KIF1A: variants seen among roughly 807,000 people sequenced by gnomAD.
The protein encoded by KIF1A is kinesin family member 1A, also known as kinesin-like protein KIF1A.
In KIF1A, 46 loss-of-function variants were observed where a neutral mutation model predicts 227.3. The observed-to-expected ratio is 0.20, with a 90% CI of 0.16 to 0.26. KIF1A has a LOEUF of 0.26. Among genes scored for constraint, KIF1A ranks in the 10% least tolerant of loss-of-function variants. The pLI is 1.00. For synonymous variants in KIF1A, 1,022 were observed against 1,012.8 expected (o/e 1.01, Z -0.17); for missense variants, 1,683 against 2,485.9 (o/e 0.68, Z 6.87).
chr2:240,757,669 G>GCCGGGT lies in KIF1A; in HGVS notation c.2583-76_2583-75insACCCGG. ...GGGACGAACAGGGGCCGGGGCCGGG[G>GCCGGGT]CTGGGGGGCTTCTGTTTAAAACCAA... On this transcript the variant is annotated intron_variant, in intron 26 of 48. Coordinates refer to ENST00000498729, the MANE Select transcript of KIF1A (RefSeq NM_001244008.2). The surrounding 1 kb of genome is among the most constrained non-coding windows in gnomAD (Gnocchi z 6.2). The GCCGGGT allele has an allele frequency of 6.8e-7, 1 of 1,462,128 alleles. No homozygotes were observed. Among genetic ancestry groups the GCCGGGT allele is most frequent in the African/African-American group, 1.4e-5 (1 of 70,442 alleles). The allele number at this position is 1,462,128 out of a possible 1,614,324, so 90.6% of individuals were successfully genotyped here.
chr2:240,767,349 C>T lies in KIF1A; in HGVS notation c.1498-4G>A, dbSNP rs2051330879. ...TCAGGTTGACGAGGTGTGGTGTCTGCAGGGAGACAGGAGGATCATCTCTCT... is the reference window on the plus strand; with the variant it reads ...TCAGGTTGACGAGGTGTGGTGTCTGTAGGGAGACAGGAGGATCATCTCTCT... On this transcript the variant is annotated splice_region_variant and splice_polypyrimidine_tract_variant and intron_variant, in intron 17 of 48. Transcript: ENST00000498729. The T allele has an allele frequency of 1.9e-6, 3 of 1,611,840 alleles. No homozygotes were observed. The highest frequency in any genetic ancestry group is 2.2e-5 in the South Asian group (2 of 90,930).
chr2:240,717,511 C>A (rs1416738367), intron 48 of KIF1A, 105 bp from the exon 49 acceptor site: 22 of 999,172 alleles, frequency 2.2e-5, no homozygotes, highest in Non-Finnish European at 3.2e-5. Flanking sequence ...AGCCACAGAC[C>A]CCATGTCCCC....
chr2:240,731,478 G>A (rs1438987641), intron 38 of KIF1A, among the ~76,000 whole-genome samples: 1 of 152,210 alleles, frequency 6.6e-6, no homozygotes, highest in East Asian at 1.9e-4. Context: ...CACCCCTGAA[G>A]TTGTGCCAGC....
rs2053114424 is a variant in KIF1A at position 240,778,705 on chromosome 2, C to T, written c.883-2779G>A. ...CCAGCAGGTCCCCGCAGCTTCCCAT[C>T]CAGCTCCTCACACTCCCCGACAACC... On this transcript the variant is annotated intron_variant, in intron 10 of 48. Transcript: ENST00000498729. This position sits in a 1 kb window ranked among gnomAD's most constrained non-coding sequence, Gnocchi z 7.2. Among the ~76,000 whole-genome samples the T allele has an allele frequency of 6.6e-6, 1 of 151,440 alleles. No homozygotes were observed. Among genetic ancestry groups the T allele is most frequent in the South Asian group, 2.1e-4 (1 of 4,768 alleles).
chr2:240,795,980 G>A (rs1451322520), intron 2 of KIF1A, among the ~76,000 whole-genome samples: 1 of 152,222 alleles, frequency 6.6e-6, no homozygotes, highest in Admixed American at 6.5e-5. Flanking sequence ...ATGCAAGACT[G>A]AGGTGGCAAT....
At chr2:240,784,617 G>T (rs1051215427) in intron 7 of KIF1A, among the ~76,000 whole-genome samples, 15 of 152,230 alleles carry the variant, frequency 9.9e-5, no homozygotes, top group African/African-American at 3.4e-4. Flanking sequence ...CAACCAGGTG[G>T]TGGCTGAGGT....
intron 34 of KIF1A, 69 bp downstream of exon 34, chr2:240,742,860 C>T: frequency 7.2e-7 from 1 of 1,389,100 alleles, no homozygotes; most frequent in South Asian, 1.2e-5. Context: ...CTGCGGGGGC[C>T]CAGCCCACTA....
rs1402294115 is a variant in KIF1A, at chr2:240,726,710, G to A, written c.4122+116C>T. On this transcript the variant is annotated intron_variant, in intron 39 of 48. Coordinates refer to ENST00000498729, the MANE Select transcript of KIF1A (RefSeq NM_001244008.2). The surrounding 1 kb of genome is among the most constrained non-coding windows in gnomAD (Gnocchi z 5.2). ...TAAAAGGCACACAAATTTAACCCAG[G>A]GACTTGAGAACTAGAGAAGTCGTCT... is the stretch of plus-strand genomic sequence containing the variant. 2 of 498,886 alleles carry A rather than the reference G, an allele frequency of 4.0e-6. No homozygotes were observed. Among genetic ancestry groups the A allele is most frequent in the Non-Finnish European group, 3.6e-6 (1 of 275,930 alleles). 30.9% of individuals were successfully genotyped at this position (498,886 alleles called of 1,614,324 possible).
intron 10 of KIF1A, among the ~76,000 whole-genome samples, chr2:240,777,954 A>G (rs2052998456): frequency 1.3e-5 from 2 of 152,010 alleles, no homozygotes; most frequent in East Asian, 3.9e-4. Flanking sequence ...GTGCTTCCAC[A>G]TGTCAGTCCC....
intron 1 of KIF1A, among the ~76,000 whole-genome samples, chr2:240,815,985 AAACCTAT>A (rs1473305464): frequency 2.6e-5 from 4 of 152,082 alleles, no homozygotes; most frequent in African/African-American, 9.7e-5. Flanking sequence ...CCACCCCTGG[AAACCTAT>A]GGTTGTGGAG....
chr2:240,779,528 CCA>C (rs1320606108), intron 10 of KIF1A, among the ~76,000 whole-genome samples: 2 of 150,724 alleles, frequency 1.3e-5, no homozygotes, highest in African/African-American at 4.9e-5. Context: ...CCTCACAGTT[CCA>C]CACTCAGTTC....
At chr2:240,798,988 G>A (rs1205692987) in intron 1 of KIF1A, among the ~76,000 whole-genome samples, 1 of 152,224 alleles carries the variant, frequency 6.6e-6, no homozygotes, top group Non-Finnish European at 1.5e-5. Context: ...ATTCCATGAA[G>A]AGGCAACCTT....
rs1443898180 is a variant in KIF1A, at chr2:240,761,308, G to A, written c.2186C>T (p.Thr729Met). 10 of 1,613,794 alleles carry A rather than the reference G, an allele frequency of 6.2e-6. No homozygotes were observed. The highest frequency in any genetic ancestry group is 3.3e-5 in the Admixed American group (2 of 60,028). Reference protein sequence around the residue: ...AFRKWKWYQFTSLRDLLWGNA... With the variant: ...AFRKWKWYQFMSLRDLLWGNA... ...GCCCCACAGCAGGTCCCGCAGAGAC[G>A]TGAACTGGTACCACTTCCACTTCCG... Residue 729 changes from threonine to methionine, a missense_variant, in exon 24 of 49, where the codon ACG becomes ATG. Coordinates refer to ENST00000498729, the MANE Select transcript of KIF1A (RefSeq NM_001244008.2).
At chr2:240,772,970 G>T (rs951118000) in intron 13 of KIF1A, 144 bp downstream of exon 13, 1 of 877,462 alleles carries the variant, frequency 1.1e-6, no homozygotes, top group African/African-American at 1.7e-5. Flanking sequence ...GCCCAGAGGG[G>T]CTCTGGGAGC....
intron 1 of KIF1A, among the ~76,000 whole-genome samples, chr2:240,817,757 C>T (rs546486828): frequency 2.4e-3 from 363 of 152,080 alleles, no homozygotes; most frequent in African/African-American, 8.1e-3. Context: ...TCAGTCTCCT[C>T]CAGGGCCTCC....
In KIF1A at chr2:240,723,413, C is replaced by T. The variant is rs1258680878; in HGVS notation, c.4464G>A (p.Glu1488=). ...GCCTCATCCTCTGAGGCTGCCTCAC[C>T]TCCTGCAGGAGGCTCAGCTTCTCCA... ...WELEKLSLLQ[E]VEKTRHYLLL... Residue 1488 remains glutamate, a splice_region_variant and synonymous_variant, in exon 42 of 49, where the codon GAG becomes GAA. Transcript: ENST00000498729. 3.9e-6 allele frequency: 6 copies of T among 1,546,238 alleles called. No individual in the cohort carries two copies. Among genetic ancestry groups the T allele is most frequent in the East Asian group, 2.4e-5 (1 of 40,894 alleles).
In KIF1A at chr2:240,746,026, G is replaced by A. The variant is rs1456487609; in HGVS notation, c.3202+13C>T. 6.2e-7 allele frequency: 1 copy of A among 1,607,530 alleles called. No individual in the cohort carries two copies. Among genetic ancestry groups the A allele is most frequent in the Admixed American group, 1.7e-5 (1 of 59,258 alleles). ...ATCCCCTACGCCCTGGGCAGCTGGG[G>A]TGGGCGACCCACCTGAACAGGTGTT... On this transcript the variant is annotated intron_variant, in intron 30 of 48. Coordinates refer to ENST00000498729, the MANE Select transcript of KIF1A (RefSeq NM_001244008.2).
At chr2:240,783,911 G>C in intron 7 of KIF1A, 95 bp from the exon 8 acceptor site, 1 of 976,102 alleles carries the variant, frequency 1.0e-6, no homozygotes, top group East Asian at 2.6e-5. Context: ...TGTTGAAGGA[G>C]CCCTGGCCAA....
intron 46 of KIF1A, 73 bp from the exon 47 acceptor site, chr2:240,719,271 C>T: frequency 6.7e-7 from 1 of 1,503,424 alleles, no homozygotes; most frequent in Non-Finnish European, 9.0e-7. Flanking sequence ...CACCATCTAC[C>T]ACCCAGAGCT....
Sources: allele counts gnomAD v4.1 joint callset (sites outside exome capture counted in the v4.1 genomes callset), GRCh38; gene constraint gnomAD v4.1.1; non-coding constraint Gnocchi (gnomAD v3.1); transcripts MANE v1.5; gene names NCBI Gene and HGNC (gene_info 2026-07-23, HGNC 2026-07-21).